Variants in PPP1CC observed in about 807,000 individuals in gnomAD.
PPP1CC encodes serine/threonine-protein phosphatase PP1-gamma catalytic subunit.
Under a neutral mutation model 38.4 loss-of-function variants are expected in PPP1CC, and 16 were observed. The ratio of observed to expected loss-of-function variants is 0.42; its 90% CI spans 0.28 to 0.63. The LOEUF is 0.63. Ranked by LOEUF, PPP1CC falls within the 30% of genes least tolerant of loss-of-function variation. PPP1CC has a pLI of 0.25. For missense variants in PPP1CC, 170 were observed against 391.3 expected, an observed-to-expected ratio of 0.43 and a Z score of 4.77; for synonymous variants, 158 against 136.0, an observed-to-expected ratio of 1.16 and a Z score of -1.13.
At chr12:110,718,938 A>C (rs560038899), downstream of PPP1CC, among the ~76,000 whole-genome samples, 1 of 151,930 alleles carries the variant, frequency 6.6e-6, no homozygotes, top group African/African-American at 2.4e-5. Flanking sequence ...CAGATACCAC[A>C]CTCCAATAAT....
chr12:110,736,151 G>C (rs1172234604), intron 1 of PPP1CC, among the ~76,000 whole-genome samples: 1 of 152,156 alleles, frequency 6.6e-6, no homozygotes, highest in East Asian at 1.9e-4. Context: ...ACCTAAGGAT[G>C]TGACTTTTCA....
chr12:110,712,656 AAAAAAAAAAAG>A, the PPP1CC span, among the ~76,000 whole-genome samples: 7 of 149,702 alleles, frequency 4.7e-5, no homozygotes, highest in Non-Finnish European at 7.4e-5. Flanking sequence ...AAAAAAAAAA[AAAAAAAAAAAG>A]GGGGGGCACT....
chr12:110,721,910 C>G, intron 6 of PPP1CC: 1 of 520,104 alleles, frequency 1.9e-6, no homozygotes, highest in Admixed American at 3.5e-5. Context: ...AGCCAATATG[C>G]AATGCAAAAA....
intron 1 of PPP1CC, chr12:110,734,664 A>G (rs2069921086): frequency 6.5e-6 from 1 of 153,700 alleles, no homozygotes; most frequent in Non-Finnish European, 1.5e-5. Context: ...TTTGATGAGC[A>G]AAAAGCCTGT....
intron 6 of PPP1CC, chr12:110,721,516 T>A (rs1316306991): frequency 5.6e-6 from 1 of 178,986 alleles, no homozygotes; most frequent in Non-Finnish European, 1.2e-5. Flanking sequence ...GCACAATCTT[T>A]GGAATTTTGA....
chr12:110,720,925 C>G lies in PPP1CC; in HGVS notation c.*151G>C. ...GTCTTTCATTTGCTGTTATAACCAG[C>G]AAATGCCATTCACTAAATCAAAAAT... is the stretch of plus-strand genomic sequence containing the variant. On this transcript the variant is annotated 3_prime_UTR_variant, in exon 7 of 7. Transcript: ENST00000335007. The G allele has an allele frequency of 1.7e-6, 1 of 580,364 alleles. No homozygotes were observed. The highest frequency in any genetic ancestry group is 3.0e-5 in the East Asian group (1 of 33,358). 36.0% of individuals were successfully genotyped at this position (580,364 alleles called of 1,614,324 possible).
At chr12:110,710,394 A>G in the PPP1CC span, among the ~76,000 whole-genome samples, 81 of 146,934 alleles carry the variant, frequency 5.5e-4, no homozygotes, top group Non-Finnish European at 1.0e-3. Flanking sequence ...CATTTCAAAA[A>G]TTTTCAAAAC....
intron 1 of PPP1CC, among the ~76,000 whole-genome samples, chr12:110,737,477 C>CAAAAAAAAAAAAAAAAAAAAAAAAA (rs71083137): frequency 1.9e-4 from 8 of 42,484 alleles, no homozygotes; most frequent in African/African-American, 5.2e-4. Context: ...AAGAAAGACT[C>CAAAAAAAAAAAAAAAAAAAAAAAAA]AAAAAAAAAA....
In PPP1CC at chr12:110,720,265, T is replaced by C. The variant is rs2069723343; in HGVS notation, c.*811A>G. 4 of 1,395,960 alleles carry C rather than the reference T, an allele frequency of 2.9e-6. No homozygotes were observed. Among genetic ancestry groups the C allele is most frequent in the Non-Finnish European group, 3.9e-6 (4 of 1,023,222 alleles). 86.5% of individuals were successfully genotyped at this position (1,395,960 alleles called of 1,614,324 possible). A position where few individuals can be genotyped will look rare whatever the true frequency, so the allele number is the denominator to read the frequency against. ...AAATTGTATAAAATGTTATTACCTT[T>C]TATCGTTAGTAGCTTAAACAGCACT... is the stretch of plus-strand genomic sequence containing the variant. On this transcript the variant is annotated 3_prime_UTR_variant, in exon 7 of 7. Transcript: ENST00000335007.
chr12:110,728,605 C>T lies in PPP1CC; in HGVS notation c.418+1924G>A, dbSNP rs573704708. Among the ~76,000 whole-genome samples, 70 of 151,826 alleles carry T rather than the reference C, an allele frequency of 4.6e-4. 1 individual carries two copies. The highest frequency in any genetic ancestry group is 6.3e-3 in the Middle Eastern group (2 of 316). On this transcript the variant is annotated intron_variant, in intron 3 of 6. Transcript: ENST00000335007. The stretch of plus-strand genomic sequence containing the variant: ...TGCACTCCAGCCTAAGGCTCTGTCT[C>T]AAAAACAAACAAAAAAAACCCATCA...
rs1006063787 is a variant in PPP1CC at position 110,720,543 on chromosome 12, A to T, written c.*533T>A. On this transcript the variant is annotated 3_prime_UTR_variant, in exon 7 of 7. Transcript: ENST00000335007. ...GCTGGCAAGGTTGAAAGTTACTCCT[A>T]ATGTTGATAGCTATAAAAACTAGTT... 3 of 245,088 alleles carry T rather than the reference A, an allele frequency of 1.2e-5. No individual in the cohort carries two copies. The highest frequency in any genetic ancestry group is 6.8e-5 in the African/African-American group (3 of 44,124). The allele number at this position is 245,088 out of a possible 1,614,324, so 15.2% of individuals were successfully genotyped here.
chr12:110,717,734 A>G (rs2069698927), downstream of PPP1CC, among the ~76,000 whole-genome samples: 1 of 152,156 alleles, frequency 6.6e-6, no homozygotes, highest in South Asian at 2.1e-4. Context: ...AATGTCTTCT[A>G]TAGACCCAAA....
chr12:110,736,214 GTAT>G (rs1041099964), intron 1 of PPP1CC, among the ~76,000 whole-genome samples: 3 of 152,130 alleles, frequency 2.0e-5, no homozygotes, highest in African/African-American at 7.2e-5. Context: ...TCAGGAAAAC[GTAT>G]TATTACTGTT....
At chr12:110,742,422 C>T (rs1366514716) in intron 1 of PPP1CC, among the ~76,000 whole-genome samples, 1 of 152,180 alleles carries the variant, frequency 6.6e-6, no homozygotes, top group Non-Finnish European at 1.5e-5. Context: ...AGCCTGCATC[C>T]TCGTGCAATG....
chr12:110,726,840 C>T (rs962292506), intron 3 of PPP1CC, among the ~76,000 whole-genome samples: 1 of 152,206 alleles, frequency 6.6e-6, no homozygotes, highest in African/African-American at 2.4e-5. Context: ...TAGTGCCAAG[C>T]ATTCCCGGTA....
chr12:110,724,831 G>A, intron 3 of PPP1CC, 67 bp from the exon 4 acceptor site: 3 of 903,380 alleles, frequency 3.3e-6, no homozygotes, highest in Non-Finnish European at 5.3e-6. Context: ...CATTCTCTCA[G>A]GATTAACTTC....
At chr12:110,735,562 A>G (rs1164170267) in intron 1 of PPP1CC, among the ~76,000 whole-genome samples, 1 of 151,960 alleles carries the variant, frequency 6.6e-6, no homozygotes, top group African/African-American at 2.4e-5. Flanking sequence ...TGGGTGGATG[A>G]CCTGAGGTTA....
intron 1 of PPP1CC, among the ~76,000 whole-genome samples, chr12:110,739,232 C>T (rs1394173608): frequency 4.6e-5 from 7 of 151,996 alleles, no homozygotes; most frequent in Admixed American, 4.6e-4. Context: ...CGCTTGAACC[C>T]GGGAGGCAGA....
chr12:110,717,338 A>G (rs1233511787), downstream of PPP1CC, among the ~76,000 whole-genome samples: 2 of 152,216 alleles, frequency 1.3e-5, no homozygotes, highest in African/African-American at 4.8e-5. Context: ...GCCAGCTGGT[A>G]CATGAGGTTG....
Sources: allele counts gnomAD v4.1 joint callset (sites outside exome capture counted in the v4.1 genomes callset), GRCh38; gene constraint gnomAD v4.1.1; transcripts MANE v1.5; gene names NCBI Gene and HGNC (gene_info 2026-07-23, HGNC 2026-07-21).